TUBGCP3: variants seen among roughly 807,000 people sequenced by gnomAD.
The protein encoded by TUBGCP3 is tubulin gamma complex component 3.
A neutral mutation model predicts 123.1 loss-of-function variants in TUBGCP3; 50 were observed. That is an observed-to-expected ratio of 0.41 (90% CI 0.32 to 0.51). The LOEUF is 0.51. Ranked by LOEUF, TUBGCP3 falls within the 20% of genes least tolerant of loss-of-function variation. The pLI is 0.36. For missense variants in TUBGCP3, 882 were observed against 1,127.0 expected, an observed-to-expected ratio of 0.78 and a Z score of 3.11; for synonymous variants, 405 against 413.9, an observed-to-expected ratio of 0.98 and a Z score of 0.26.
At chr13:112,505,149 T>TTACC (rs970997854) in intron 17 of TUBGCP3, among the ~76,000 whole-genome samples, 2 of 152,190 alleles carry the variant, frequency 1.3e-5, no homozygotes, top group Non-Finnish European at 2.9e-5. Context: ...GACTGTGGCC[T>TTACC]TACCGCCTGT....
intron 1 of TUBGCP3, among the ~76,000 whole-genome samples, chr13:112,578,067 C>T (rs965776307): frequency 2.0e-5 from 3 of 152,122 alleles, no homozygotes; most frequent in Non-Finnish European, 4.4e-5. Flanking sequence ...GGTCCAGGGT[C>T]TAAAATCCCT....
intron 1 of TUBGCP3, among the ~76,000 whole-genome samples, chr13:112,579,582 C>T (rs1882135469): frequency 6.6e-6 from 1 of 151,172 alleles, no homozygotes; most frequent in Non-Finnish European, 1.5e-5. Flanking sequence ...CCCTGGAGCT[C>T]TCCCACACTG....
chr13:112,603,199 A>G, the TUBGCP3 span: 1 of 152,140 alleles, frequency 6.6e-6, no homozygotes, highest in Non-Finnish European at 1.5e-5. Context: ...TTGCCTTCCG[A>G]TTCTCCTCCA....
chr13:112,592,634 AAGTC>A (rs1260077683), upstream of TUBGCP3, among the ~76,000 whole-genome samples: 2 of 152,206 alleles, frequency 1.3e-5, no homozygotes, highest in African/African-American at 4.8e-5. The surrounding 1 kb of genome is among the most constrained non-coding windows in gnomAD (Gnocchi z 4.1). Context: ...GCTGAATGCA[AAGTC>A]AGAGTGGGAA....
intron 8 of TUBGCP3, among the ~76,000 whole-genome samples, chr13:112,549,497 A>C (rs2139187532): frequency 6.6e-6 from 1 of 152,256 alleles, no homozygotes; most frequent in East Asian, 1.9e-4. Context: ...AAAAAAATTA[A>C]TTAATTAATT....
At chr13:112,529,545 G>A (rs9550121) in intron 11 of TUBGCP3, among the ~76,000 whole-genome samples, 22,146 of 152,114 alleles carry the variant, frequency 0.15, 1,925 homozygotes, top group Non-Finnish European at 0.2. Context: ...CTCCTATGTG[G>A]GGAGGGGGAG....
chr13:112,556,102 C>T lies in TUBGCP3; in HGVS notation c.671G>A (p.Ser224Asn). 2 of 1,614,126 alleles carry T rather than the reference C, an allele frequency of 1.2e-6. No individual in the cohort carries two copies. Among genetic ancestry groups the T allele is most frequent in the Non-Finnish European group, 1.7e-6 (2 of 1,180,016 alleles). ...CCTTGTCATGTTGCGAGACACAGCACTGGGGACACCTTTTGAGGTAGTGGC... is the reference window on the plus strand; with the variant it reads ...CCTTGTCATGTTGCGAGACACAGCATTGGGGACACCTTTTGAGGTAGTGGC... ...SQATTSKGVP[S>N]AVSRNMTRSR... The change falls in exon 6 of 22, where the codon AGT becomes AAT. Residue 224 changes from serine (S) to asparagine (N), a missense_variant. By Grantham distance (46) the Ser-to-Asn change is conservative. Transcript: ENST00000261965.
chr13:112,594,354 T>A, the TUBGCP3 span, among the ~76,000 whole-genome samples: 22 of 152,266 alleles, frequency 1.4e-4, no homozygotes, highest in Admixed American at 5.2e-4. Flanking sequence ...AACTCCTCAA[T>A]AGAATAAAAG....
intron 1 of TUBGCP3, among the ~76,000 whole-genome samples, chr13:112,571,447 A>G (rs1441969136): frequency 6.6e-6 from 1 of 152,242 alleles, no homozygotes; most frequent in Non-Finnish European, 1.5e-5. Context: ...CATGCTATAA[A>G]AAGATGTGCT....
At chr13:112,510,643 C>G (rs949454847) in intron 17 of TUBGCP3, among the ~76,000 whole-genome samples, 2 of 152,174 alleles carry the variant, frequency 1.3e-5, no homozygotes, top group African/African-American at 4.8e-5. Context: ...AGTACTTTCA[C>G]TCAGACTTAA....
chr13:112,589,910 G>C (rs1336741416), upstream of TUBGCP3, among the ~76,000 whole-genome samples: 1 of 152,142 alleles, frequency 6.6e-6, no homozygotes, highest in East Asian at 1.9e-4. Flanking sequence ...GGAAACAAAA[G>C]TGGCACATGC....
chr13:112,563,707 CCAAAAA>C (rs1392229697), intron 3 of TUBGCP3, among the ~76,000 whole-genome samples: 3 of 103,412 alleles, frequency 2.9e-5, no homozygotes, highest in Admixed American at 1.0e-4. Context: ...ACTAAAAATA[CCAAAAA>C]AAAAAAAAAA....
intron 17 of TUBGCP3, among the ~76,000 whole-genome samples, chr13:112,505,898 A>T (rs1197905103): frequency 6.6e-6 from 1 of 152,094 alleles, no homozygotes; most frequent in African/African-American, 2.4e-5. Flanking sequence ...AGAGAAGGAC[A>T]CCCTCACCTG....
chr13:112,573,871 T>TG (rs1238595837), intron 1 of TUBGCP3, among the ~76,000 whole-genome samples: 2 of 152,204 alleles, frequency 1.3e-5, no homozygotes. Flanking sequence ...AACAGGGCAG[T>TG]GCCCAGCTGC....
At chr13:112,567,815 C>A (rs551638442) in intron 2 of TUBGCP3, among the ~76,000 whole-genome samples, 2 of 152,322 alleles carry the variant, frequency 1.3e-5, no homozygotes, top group South Asian at 4.1e-4. Context: ...AGACCATGGG[C>A]CAAACACAGT....
At chr13:112,603,418 G>A in the TUBGCP3 span, 1 of 152,150 alleles carries the variant, frequency 6.6e-6, no homozygotes, top group Non-Finnish European at 1.5e-5. Flanking sequence ...AAGATATGAA[G>A]AATTCCATAT....
chr13:112,538,714 C>T (rs750101315), intron 11 of TUBGCP3, among the ~76,000 whole-genome samples: 2 of 151,878 alleles, frequency 1.3e-5, no homozygotes, highest in Admixed American at 6.6e-5. Flanking sequence ...TATAGATATA[C>T]AATAAATTAC....
At chr13:112,504,212 G>A (rs766246765) in intron 18 of TUBGCP3, 49 bp from the exon 19 acceptor site, 1 of 1,611,744 alleles carries the variant, frequency 6.2e-7, no homozygotes, top group South Asian at 1.1e-5. Context: ...GTCCTTCCTA[G>A]TGTAGCATCA....
rs756622370 is a variant in TUBGCP3, at chr13:112,558,409, G to A, written c.335C>T (p.Ser112Phe). 8 of 1,549,966 alleles carry A rather than the reference G, an allele frequency of 5.2e-6. No individual in the cohort carries two copies. Among genetic ancestry groups the A allele is most frequent in the Admixed American group, 3.7e-5 (2 of 54,622 alleles). The stretch of plus-strand genomic sequence containing the variant: ...CTGAGCAAATAACGTAGCATAGCTA[G>A]AAACCTGAAAAGAGAAACACACTAA... ...EDPRRQPSKV[S>F]SYATLFAQAL... is the part of the protein sequence containing the mutation. Residue 112 changes from serine (S) to phenylalanine (F), a missense_variant, in exon 5 of 22, where the codon TCT (serine) becomes TTT (phenylalanine). Ser to Phe is a radical substitution (Grantham distance 155, BLOSUM62 -2). Transcript: ENST00000261965.
Sources: gnomAD v4.1 joint callset for allele counts (sites outside exome capture counted in the v4.1 genomes callset) on GRCh38, gnomAD v4.1.1 for gene constraint, Gnocchi (gnomAD v3.1) non-coding constraint, MANE v1.5 for transcripts, NCBI Gene and HGNC (gene_info 2026-07-23, HGNC 2026-07-21) for gene names.